ATP2B2: variants seen among roughly 807,000 people sequenced by gnomAD.
ATP2B2 encodes plasma membrane calcium-transporting ATPase 2.
Under a neutral mutation model 120.0 loss-of-function variants are expected in ATP2B2, and 15 were observed. The ratio of observed to expected loss-of-function variants is 0.12; its 90% CI spans 0.08 to 0.19. The LOEUF is 0.19. ATP2B2 is among the 10% of genes least tolerant of loss of function. ATP2B2 has a pLI of 1.00. For missense variants in ATP2B2, 1,045 were observed against 1,719.8 expected, an observed-to-expected ratio of 0.61 and a Z score of 6.94; for synonymous variants, 694 against 700.3, an observed-to-expected ratio of 0.99 and a Z score of 0.14.
chr3:10,372,180 C>A, intron 11 of ATP2B2, 129 bp from the exon 12 acceptor site: 1 of 1,340,078 alleles, frequency 7.5e-7, no homozygotes, highest in Non-Finnish European at 1.0e-6. Context: ...TTGCTTCCGG[C>A]ACTTGTAAAG....
intron 1 of ATP2B2, among the ~76,000 whole-genome samples, chr3:10,464,173 C>T (rs576564007): frequency 2.0e-5 from 3 of 152,322 alleles, no homozygotes; most frequent in Non-Finnish European, 2.9e-5. Context: ...AGAATCCACC[C>T]GGCACCTTGA....
intron 2 of ATP2B2, among the ~76,000 whole-genome samples, chr3:10,573,038 A>C (rs1204983949): frequency 1.3e-5 from 2 of 152,176 alleles, no homozygotes; most frequent in Non-Finnish European, 2.9e-5. Context: ...TCATGTGAAC[A>C]AGACAATCAA....
chr3:10,525,344 G>A (rs1164059962), intron 3 of ATP2B2, among the ~76,000 whole-genome samples: 1 of 152,146 alleles, frequency 6.6e-6, no homozygotes, highest in East Asian at 1.9e-4. Flanking sequence ...TTCCTTATCT[G>A]TACAATATCT....
chr3:10,486,289 C>G (rs2065651351), intron 1 of ATP2B2, among the ~76,000 whole-genome samples: 1 of 151,570 alleles, frequency 6.6e-6, no homozygotes, highest in African/African-American at 2.4e-5. Flanking sequence ...AGATGACAAT[C>G]TGTTTTTCAA....
intron 8 of ATP2B2, among the ~76,000 whole-genome samples, chr3:10,384,050 C>T (rs1489991917): frequency 6.6e-6 from 1 of 152,182 alleles, no homozygotes; most frequent in East Asian, 1.9e-4. Flanking sequence ...GTCATCCTTC[C>T]TCCTCCTGTG....
rs112636544 is a variant in ATP2B2 at position 10,431,202 on chromosome 3, A to C, written c.199+18143T>G. ...GACAACAAAGGACTTAGAATATTCC[A>C]TACCTTAGTTGATTGAGCAGCGGCA... On this transcript the variant is annotated intron_variant, in intron 2 of 22. Transcript: ENST00000360273. Among the ~76,000 whole-genome samples the C allele has an allele frequency of 7.0e-3, 1,066 of 152,322 alleles. 12 individuals carry two copies. The highest frequency in any genetic ancestry group is 0.024 in the African/African-American group (993 of 41,570).
intron 1 of ATP2B2, among the ~76,000 whole-genome samples, chr3:10,496,561 C>A (rs541033046): frequency 6.6e-6 from 1 of 152,176 alleles, no homozygotes; most frequent in Non-Finnish European, 1.5e-5. Flanking sequence ...TCTCTCCCTA[C>A]CTTGTTTCCT....
intron 3 of ATP2B2, among the ~76,000 whole-genome samples, chr3:10,527,276 C>T (rs756527879): frequency 1.7e-4 from 26 of 152,190 alleles, no homozygotes; most frequent in Non-Finnish European, 2.6e-4. Flanking sequence ...AGGGCTCCCT[C>T]GCTTATCTCA....
At chr3:10,591,479 G>A (rs931066865) in intron 2 of ATP2B2, among the ~76,000 whole-genome samples, 22 of 152,070 alleles carry the variant, frequency 1.4e-4, no homozygotes, top group South Asian at 1.0e-3. Flanking sequence ...CCACTGTGGC[G>A]CCCTGCTCTC....
intron 2 of ATP2B2, among the ~76,000 whole-genome samples, chr3:10,435,756 C>T (rs2125118999): frequency 6.6e-6 from 1 of 152,216 alleles, no homozygotes; most frequent in East Asian, 1.9e-4. Context: ...GCCTCCGTAC[C>T]TCTCCTGGCT....
chr3:10,324,376 G>A lies in ATP2B2; in HGVS notation c.*4438C>T, dbSNP rs1356858655. The A allele has an allele frequency of 6.6e-6, 1 of 152,208 alleles. No homozygotes were observed. Among genetic ancestry groups the A allele is most frequent in the Non-Finnish European group, 1.5e-5 (1 of 68,082 alleles). 9.4% of individuals were successfully genotyped at this position (152,208 alleles called of 1,614,324 possible). A position where few individuals can be genotyped will look rare whatever the true frequency, so the allele number is the denominator to read the frequency against. On this transcript the variant is annotated 3_prime_UTR_variant, in exon 23 of 23. Coordinates refer to ENST00000360273, the MANE Select transcript of ATP2B2 (RefSeq NM_001001331.4). Reference sequence around the variant, plus strand: ...CAGTCCCAAAGCAGCCTCCAATATTGTTTTCAGTGGAGGGGGTGATGGCTG... The same window carrying A: ...CAGTCCCAAAGCAGCCTCCAATATTATTTTCAGTGGAGGGGGTGATGGCTG...
At chr3:10,632,729 C>T (rs2069901548) in intron 1 of ATP2B2, among the ~76,000 whole-genome samples, 2 of 152,210 alleles carry the variant, frequency 1.3e-5, no homozygotes, top group Admixed American at 1.3e-4. Flanking sequence ...TCTGCCAGGT[C>T]CTCTGCAGGT....
intron 2 of ATP2B2, among the ~76,000 whole-genome samples, chr3:10,545,582 C>T (rs113569399): frequency 2.7e-4 from 41 of 151,712 alleles, no homozygotes; most frequent in African/African-American, 9.9e-4. Flanking sequence ...AATTTAAAAA[C>T]CCAACCATTT....
At chr3:10,645,299 T>C (rs75402072) in intron 1 of ATP2B2, among the ~76,000 whole-genome samples, 3,491 of 152,320 alleles carry the variant, frequency 0.023, 68 homozygotes, top group South Asian at 0.087. Context: ...GAGAAAGCTT[T>C]GAAGGACTTC....
chr3:10,343,572 G>T lies in ATP2B2; in HGVS notation c.2704-607C>A, dbSNP rs2060346534. Among the ~76,000 whole-genome samples the T allele has an allele frequency of 6.6e-6, 1 of 152,122 alleles. No individual in the cohort carries two copies. The highest frequency in any genetic ancestry group is 2.4e-5 in the African/African-American group (1 of 41,420). The stretch of plus-strand genomic sequence containing the variant: ...CCACTTTTAGGTCACCACTGTCCAG[G>T]TTCTGGGAGGGACCCTTTCAGACCT... On this transcript the variant is annotated intron_variant, in intron 18 of 22. Transcript: ENST00000360273. This position sits in a 1 kb window ranked among gnomAD's most constrained non-coding sequence, Gnocchi z 4.2.
rs6442182 is a variant in ATP2B2 at position 10,583,489 on chromosome 3, G to T, written c.-415+36428C>A. Among the ~76,000 whole-genome samples the T allele has an allele frequency of 2.4e-4, 36 of 152,080 alleles. 1 individual carries two copies. In the East Asian group the frequency reaches 6.4e-3, roughly 27 times the overall value. ...TGAGCAGGTATAGATCCTTTACCTG[G>T]GACCTCTCTCACTCACCCAGTGGGA... On this transcript the variant is annotated intron_variant, in intron 2 of 21. Transcript: ENST00000646379.
At chr3:10,503,786 C>T (rs1019262949) in intron 1 of ATP2B2, among the ~76,000 whole-genome samples, 5 of 152,240 alleles carry the variant, frequency 3.3e-5, no homozygotes, top group Admixed American at 2.6e-4. Flanking sequence ...TGAGCCAGCC[C>T]TCAGGTGGGT....
At chr3:10,643,138 A>G (rs1383997354) in intron 1 of ATP2B2, among the ~76,000 whole-genome samples, 1 of 152,230 alleles carries the variant, frequency 6.6e-6, no homozygotes, top group East Asian at 1.9e-4. Context: ...CCAGCTTGTA[A>G]GGACTCCCAG....
At chr3:10,371,720 T>C (rs1221302672) in intron 12 of ATP2B2, 89 bp downstream of exon 12, 1 of 1,594,462 alleles carries the variant, frequency 6.3e-7, no homozygotes, top group African/African-American at 1.3e-5. Context: ...GATTTGAGAC[T>C]ATGAATCACA....
Sources: allele counts gnomAD v4.1 joint callset (sites outside exome capture counted in the v4.1 genomes callset), GRCh38; gene constraint gnomAD v4.1.1; non-coding constraint Gnocchi (gnomAD v3.1); transcripts MANE v1.5; gene names NCBI Gene and HGNC (gene_info 2026-07-23, HGNC 2026-07-21).